SOX5: variants seen among roughly 807,000 people sequenced by gnomAD.
SOX5 encodes the protein transcription factor SOX-5.
In SOX5, 9 loss-of-function variants were observed where a neutral mutation model predicts 92.0. The observed-to-expected ratio is 0.10, with a 90% CI of 0.06 to 0.17. The LOEUF is 0.17. SOX5 is among the 10% of genes least tolerant of loss of function. SOX5 has a pLI of 1.00. For synonymous variants in SOX5, 344 were observed against 336.3 expected (o/e 1.02, Z -0.25); for missense variants, 642 against 944.5 (o/e 0.68, Z 4.20).
In SOX5 at chr12:24,095,134, G is replaced by C. The variant is rs12300657; in HGVS notation, c.-2+118209C>G. Among the ~76,000 whole-genome samples the C allele has an allele frequency of 6.4e-3, 402 of 63,194 alleles. 1 individual carries two copies. The highest frequency in any genetic ancestry group is 0.037 in the Middle Eastern group (3 of 82). The allele number at this position is 63,194 out of a possible 152,430, so 41.5% of individuals were successfully genotyped here. Reference sequence around the variant, plus strand: ...ACACACACACACACACACACAGAGAGAGAGAGAGAGAGAGAGAGAGAGACA... The same window carrying C: ...ACACACACACACACACACACAGAGACAGAGAGAGAGAGAGAGAGAGAGACA... On this transcript the variant is annotated intron_variant, in intron 4 of 4. Coordinates refer to the SOX5 transcript ENST00000446891.
chr12:24,371,042 T>C lies in SOX5; in HGVS notation c.-250-2403A>G, dbSNP rs76106086. On this transcript the variant is annotated intron_variant, in intron 1 of 4. Transcript: ENST00000446891. ...TTTATTCCATGAATAGGTTATATTA[T>C]ATAACACAGGTGATTTTGAGACAGA... Among the ~76,000 whole-genome samples, 253 of 152,332 alleles carry C rather than the reference T, an allele frequency of 1.7e-3. 3 individuals carry two copies. The highest frequency in any genetic ancestry group is 5.8e-3 in the African/African-American group (240 of 41,570).
intron 4 of SOX5, among the ~76,000 whole-genome samples, chr12:23,974,282 G>A (rs544246450): frequency 6.6e-6 from 1 of 152,194 alleles, no homozygotes; most frequent in Admixed American, 6.5e-5. Flanking sequence ...TAGACAATTA[G>A]GTTGCTTCCA....
rs564485911 is a variant in SOX5 at position 24,376,378 on chromosome 12, C to G, written c.-250-7739G>C. Among the ~76,000 whole-genome samples, 4 of 152,286 alleles carry G rather than the reference C, an allele frequency of 2.6e-5. No homozygotes were observed. The East Asian group carries it at 7.7e-4, about 29-fold the overall frequency. Reference sequence around the variant, plus strand: ...GTATTACGTTAATCACATGAAAGAGCTGGTTGACACAACCTCTAAAGTTCC... The same window carrying G: ...GTATTACGTTAATCACATGAAAGAGGTGGTTGACACAACCTCTAAAGTTCC... On this transcript the variant is annotated intron_variant, in intron 1 of 4. Transcript: ENST00000446891.
chr12:23,671,941 C>CT (rs922591603), intron 6 of SOX5, among the ~76,000 whole-genome samples: 2 of 151,966 alleles, frequency 1.3e-5, no homozygotes, highest in African/African-American at 4.8e-5. Flanking sequence ...AGCCACAGAA[C>CT]TTTTTTTAAA....
intron 3 of SOX5, chr12:24,227,069 T>C (rs1418602633): frequency 6.6e-6 from 1 of 152,192 alleles, no homozygotes; most frequent in African/African-American, 2.4e-5. Context: ...TCCTACGTAA[T>C]GGACGTAATG....
rs73273845 is a variant in SOX5, at chr12:23,550,794, A to G, written c.1489-4370T>C. On this transcript the variant is annotated intron_variant, in intron 11 of 14. Coordinates refer to ENST00000451604, the MANE Select transcript of SOX5 (RefSeq NM_006940.6). ...TATTTTGACTTAAAAAAAATAAAAAACAACTGAAAATTCACTATTTTTGCA... is the reference window on the plus strand; with the variant it reads ...TATTTTGACTTAAAAAAAATAAAAAGCAACTGAAAATTCACTATTTTTGCA... Among the ~76,000 whole-genome samples the G allele has an allele frequency of 9.1e-3, 1,378 of 152,114 alleles. 30 individuals carry two copies. The highest frequency in any genetic ancestry group is 0.031 in the African/African-American group (1,286 of 41,556).
intron 4 of SOX5, among the ~76,000 whole-genome samples, chr12:24,009,006 G>A (rs1346218900): frequency 6.6e-6 from 1 of 152,186 alleles, no homozygotes; most frequent in Non-Finnish European, 1.5e-5. Flanking sequence ...GTAAGAGACT[G>A]CCATGCTTTG....
chr12:24,368,381 G>C (rs1389209464), intron 2 of SOX5: 1 of 151,988 alleles, frequency 6.6e-6, no homozygotes, highest in Non-Finnish European at 1.5e-5. Context: ...TATTGATTTG[G>C]TTATATGAGA....
chr12:24,222,352 G>A (rs534131990), intron 3 of SOX5, among the ~76,000 whole-genome samples: 1 of 152,212 alleles, frequency 6.6e-6, no homozygotes, highest in South Asian at 2.1e-4. Context: ...ATTTTGTCTT[G>A]GGCCAGAGTA....
At chr12:23,555,981 T>C (rs771836896) in intron 11 of SOX5, among the ~76,000 whole-genome samples, 3 of 152,120 alleles carry the variant, frequency 2.0e-5, no homozygotes, top group Admixed American at 6.5e-5. Flanking sequence ...AGAATGTCGA[T>C]TGGAATTATT....
chr12:24,180,272 C>T (rs1593997384), intron 4 of SOX5, among the ~76,000 whole-genome samples: 1 of 152,118 alleles, frequency 6.6e-6, no homozygotes, highest in African/African-American at 2.4e-5. Flanking sequence ...CATTTTACGG[C>T]TTCTCCCTCC....
chr12:24,546,390 G>T lies in SOX5; in HGVS notation c.-251+15939C>A, dbSNP rs536124106. 2.6e-5 allele frequency among the ~76,000 whole-genome samples: 4 copies of T among 152,254 alleles called. No individual in the cohort carries two copies. The South Asian group carries it at 6.2e-4, about 24-fold the overall frequency. ...GTATGAGTTTCCCCATGGCCTACAC[G>T]ACAGAATCTAGTGAGTATGAGTCTG... On this transcript the variant is annotated intron_variant, in intron 1 of 4. Coordinates refer to the SOX5 transcript ENST00000446891.
chr12:24,114,202 C>G (rs886534077), intron 4 of SOX5, among the ~76,000 whole-genome samples: 3 of 151,488 alleles, frequency 2.0e-5, no homozygotes, highest in Admixed American at 6.6e-5. Context: ...AAAGGAGAGA[C>G]AAAATTTTCA....
chr12:24,298,728 G>C (rs1011874856), intron 2 of SOX5, among the ~76,000 whole-genome samples: 1 of 138,156 alleles, frequency 7.2e-6, no homozygotes, highest in Non-Finnish European at 1.5e-5. Context: ...CTTGCTGAAG[G>C]TCACACAGAT....
intron 1 of SOX5, among the ~76,000 whole-genome samples, chr12:24,557,940 A>T (rs1007357590): frequency 6.6e-6 from 1 of 152,188 alleles, no homozygotes; most frequent in Non-Finnish European, 1.5e-5. Flanking sequence ...TAATTTTGTC[A>T]ATATGCTGCC....
intron 7 of SOX5, among the ~76,000 whole-genome samples, chr12:23,653,633 G>A (rs1278166593): frequency 6.6e-6 from 1 of 152,050 alleles, no homozygotes; most frequent in Non-Finnish European, 1.5e-5. Context: ...CAAATTCTGG[G>A]CCTGATGAAG....
At chr12:24,518,967 A>T (rs1950032817) in intron 1 of SOX5, among the ~76,000 whole-genome samples, 1 of 152,164 alleles carries the variant, frequency 6.6e-6, no homozygotes, top group Admixed American at 6.5e-5. Context: ...ATAAGGTATG[A>T]TTATGTAGGA....
At chr12:23,987,688 G>A (rs1950184176) in intron 4 of SOX5, among the ~76,000 whole-genome samples, 1 of 152,186 alleles carries the variant, frequency 6.6e-6, no homozygotes, top group Non-Finnish European at 1.5e-5. Context: ...AGCTACGAGG[G>A]AGGCTTAGGC....
chr12:24,036,610 A>G (rs1290623099), intron 4 of SOX5, among the ~76,000 whole-genome samples: 1 of 152,130 alleles, frequency 6.6e-6, no homozygotes, highest in Non-Finnish European at 1.5e-5. Flanking sequence ...GTTGACATCA[A>G]TTCTCAGTCC....
Sources: gnomAD v4.1 joint callset for allele counts (sites outside exome capture counted in the v4.1 genomes callset) on GRCh38, gnomAD v4.1.1 for gene constraint, MANE v1.5 for transcripts, NCBI Gene and HGNC (gene_info 2026-07-23, HGNC 2026-07-21) for gene names.